RERE: variants seen among roughly 807,000 people sequenced by gnomAD.
The protein encoded by RERE is arginine-glutamic acid dipeptide repeats protein.
In RERE, 40 loss-of-function variants were observed where a neutral mutation model predicts 146.1. The observed-to-expected ratio is 0.27, with a 90% CI of 0.21 to 0.36. The LOEUF (loss-of-function observed/expected upper bound fraction) is 0.36, where lower values mean the gene tolerates loss of function less well. RERE is among the 10% of genes least tolerant of loss of function. The probability of loss-of-function intolerance (pLI) is 1.00; values close to 1 mark genes in which losing one functional copy is unlikely to be tolerated. For missense variants in RERE, 1,933 were observed against 2,138.7 expected (o/e 0.90, Z 1.90); for synonymous variants, 1,003 against 866.0 (o/e 1.16, Z -2.78).
intron 11 of RERE, among the ~76,000 whole-genome samples, chr1:8,456,048 T>G (rs189196669): frequency 6.6e-6 from 1 of 152,276 alleles, no homozygotes; most frequent in East Asian, 1.9e-4. Flanking sequence ...ACATTAAGAA[T>G]AATCACCACA....
chr1:8,371,456 G>A (rs557559902), intron 12 of RERE, among the ~76,000 whole-genome samples: 94 of 152,338 alleles, frequency 6.2e-4, no homozygotes, highest in African/African-American at 2.2e-3. Flanking sequence ...GGAAGAAGTA[G>A]TAAGCTGCTT....
At chr1:8,531,063 A>T (rs546502309) in intron 7 of RERE, among the ~76,000 whole-genome samples, 3 of 141,930 alleles carry the variant, frequency 2.1e-5, no homozygotes, top group African/African-American at 8.2e-5. Context: ...CTATCTATCT[A>T]TCTATCTAAC....
At chr1:8,490,879 C>CA (rs1644971359) in intron 10 of RERE, among the ~76,000 whole-genome samples, 1 of 149,794 alleles carries the variant, frequency 6.7e-6, no homozygotes, top group Non-Finnish European at 1.5e-5. Context: ...ATAGTAGTTT[C>CA]ACAGATTTAT....
At chr1:8,681,736 T>C (rs1447058055) in intron 1 of RERE, among the ~76,000 whole-genome samples, 14 of 152,166 alleles carry the variant, frequency 9.2e-5, no homozygotes, top group Admixed American at 7.9e-4. Context: ...GAAATTAAAC[T>C]GAAATAGGTA....
chr1:8,358,580 GCTCCCGCTCTCGGAT>G lies in RERE; in HGVS notation c.3940_3954del (p.Ile1314_Glu1318del), dbSNP rs776543471. On this transcript the variant is annotated inframe_deletion, in exon 20 of 23. Transcript: ENST00000400908. Reference sequence around the variant, plus strand: ...AAGCCCGGCTTCATCCTCTCCCGCAGCTCCCGCTCTCGGATCTCCCGCTCTCGGATCTCCCGCTCC... The same window carrying G: ...AAGCCCGGCTTCATCCTCTCCCGCAGCTCCCGCTCTCGGATCTCCCGCTCC... 433 of 1,605,764 alleles carry G rather than the reference GCTCCCGCTCTCGGAT, an allele frequency of 2.7e-4. 2 individuals carry two copies. Among genetic ancestry groups the G allele is most frequent in the Middle Eastern group, 1.2e-3 (7 of 5,998 alleles).
At position 8,529,354 on chromosome 1, in the gene RERE, A is replaced by G. The variant is rs1334600041; in HGVS notation, c.830+11860T>C. On this transcript the variant is annotated intron_variant, in intron 7 of 22. Coordinates refer to ENST00000400908, the MANE Select transcript of RERE (RefSeq NM_001042681.2). Reference sequence around the variant, plus strand: ...GCACAGGCTGGAGTGCAGTGGTGCAATCTCAGCTCACTGCAAGCTCCGGGT... The same window carrying G: ...GCACAGGCTGGAGTGCAGTGGTGCAGTCTCAGCTCACTGCAAGCTCCGGGT... Among the ~76,000 whole-genome samples, 4 of 139,430 alleles carry G rather than the reference A, an allele frequency of 2.9e-5. No individual in the cohort carries two copies. The South Asian group carries it at 6.8e-4, about 24-fold the overall frequency. The allele number at this position is 139,430 out of a possible 152,430, so 91.5% of individuals were successfully genotyped here.
intron 4 of RERE, among the ~76,000 whole-genome samples, chr1:8,595,270 T>G (rs1646541644): frequency 6.6e-6 from 1 of 152,140 alleles, no homozygotes; most frequent in South Asian, 2.1e-4. Context: ...ACCATTTTAT[T>G]TCATCTGAAA....
At chr1:8,487,290 A>T (rs915199018) in intron 10 of RERE, among the ~76,000 whole-genome samples, 4 of 152,204 alleles carry the variant, frequency 2.6e-5, no homozygotes, top group Admixed American at 2.0e-4. Context: ...TTGATTAAAA[A>T]AACAAAGAAA....
At chr1:8,709,810 A>G (rs1639631588) in intron 1 of RERE, among the ~76,000 whole-genome samples, 1 of 152,184 alleles carries the variant, frequency 6.6e-6, no homozygotes. Flanking sequence ...GTATTTCTAC[A>G]CTGAAGGAAT....
intron 1 of RERE, among the ~76,000 whole-genome samples, chr1:8,754,873 T>C (rs893599633): frequency 6.6e-6 from 1 of 152,254 alleles, no homozygotes; most frequent in Admixed American, 6.5e-5. Flanking sequence ...TTCTTCAGAT[T>C]GGTACATGTT....
At chr1:8,507,735 A>ATTTTTTTTTTTTTTTTT (rs1404147445) in intron 8 of RERE, among the ~76,000 whole-genome samples, 1 of 41,416 alleles carries the variant, frequency 2.4e-5, no homozygotes, top group African/African-American at 1.4e-4. Flanking sequence ...AACATCTTTT[A>ATTTTTTTTTTTTTTTTT]TCTTTTTTTT....
intron 1 of RERE, among the ~76,000 whole-genome samples, chr1:8,800,896 C>T (rs115777450): frequency 0.064 from 9,697 of 151,800 alleles, 370 homozygotes; most frequent in Middle Eastern, 0.099. Context: ...ATTTGGGAGC[C>T]GCAGGTTGCA....
Position 8,364,026 on chromosome 1 carries a change from C to T in RERE, c.1740+30G>A. On this transcript the variant is annotated intron_variant, in intron 15 of 22. Coordinates refer to ENST00000400908, the MANE Select transcript of RERE (RefSeq NM_001042681.2). This position sits in a 1 kb window ranked among gnomAD's most constrained non-coding sequence, Gnocchi z 5.1. ...ACATCCCAGGAAACTGAAGAAGTTG[C>T]CAGGAGCCCCATGGCCCCAGGGGAC... The T allele has an allele frequency of 6.2e-7, 1 of 1,604,824 alleles. No homozygotes were observed.
chr1:8,627,853 C>A (rs1646993264), intron 2 of RERE, among the ~76,000 whole-genome samples: 1 of 152,096 alleles, frequency 6.6e-6, no homozygotes, highest in Non-Finnish European at 1.5e-5. Context: ...TGTAAATACA[C>A]TAGGATATAG....
At position 8,779,641 on chromosome 1, in the gene RERE, C is replaced by T. The variant is rs146037963; in HGVS notation, c.-145+37519G>A. Among the ~76,000 whole-genome samples, 878 of 151,478 alleles carry T rather than the reference C, an allele frequency of 5.8e-3. 9 individuals are homozygous for T. Among genetic ancestry groups the T allele is most frequent in the African/African-American group, 0.02 (842 of 41,246 alleles). On this transcript the variant is annotated intron_variant, in intron 1 of 22. Coordinates refer to ENST00000400908, the MANE Select transcript of RERE (RefSeq NM_001042681.2). The stretch of plus-strand genomic sequence containing the variant: ...TCACGCCACTGCACTCCAGTCCGGG[C>T]GACAAAGCAAGACTGTCTCCAAAAA...
chr1:8,503,933 T>C (rs938884166), intron 8 of RERE, among the ~76,000 whole-genome samples: 11 of 152,316 alleles, frequency 7.2e-5, no homozygotes, highest in Non-Finnish European at 1.5e-4. Flanking sequence ...ATAAGTAATT[T>C]TGTTGGTGTC....
At chr1:8,716,828 A>G (rs1639774203) in intron 1 of RERE, among the ~76,000 whole-genome samples, 2 of 152,162 alleles carry the variant, frequency 1.3e-5, no homozygotes, top group African/African-American at 4.8e-5. Flanking sequence ...GGAATAAAAA[A>G]AAACCTAGCC....
At chr1:8,541,155 A>T in intron 7 of RERE, 59 bp downstream of exon 7, 1 of 933,414 alleles carries the variant, frequency 1.1e-6, no homozygotes, top group Non-Finnish European at 1.7e-6. Context: ...ACATACACAC[A>T]CACACAAATG....
At chr1:8,677,780 A>T (rs1437141521) in intron 1 of RERE, among the ~76,000 whole-genome samples, 1 of 152,188 alleles carries the variant, frequency 6.6e-6, no homozygotes, top group Non-Finnish European at 1.5e-5. Flanking sequence ...GGAATAAGCA[A>T]AATAATCCAT....
Sources: gnomAD v4.1 joint callset for allele counts (sites outside exome capture counted in the v4.1 genomes callset) on GRCh38, gnomAD v4.1.1 for gene constraint, Gnocchi (gnomAD v3.1) non-coding constraint, MANE v1.5 for transcripts, NCBI Gene and HGNC (gene_info 2026-07-23, HGNC 2026-07-21) for gene names.